The following PSMG4 variants were observed in gnomAD, a reference collection of about 807,000 sequenced individuals.
PSMG4 encodes the protein proteasome assembly chaperone 4.
A neutral mutation model predicts 11.0 loss-of-function variants in PSMG4; 10 were observed. The ratio of observed to expected loss-of-function variants is 0.91; its 90% CI spans 0.56 to 1.54. PSMG4 has a LOEUF of 1.54. Ranked by LOEUF, PSMG4 falls within the 40% of genes most tolerant of loss-of-function variation. PSMG4 has a pLI of 0.00. For synonymous variants in PSMG4, 95 were observed against 71.3 expected, an observed-to-expected ratio of 1.33 and a Z score of -1.68; for missense variants, 198 against 160.9, an observed-to-expected ratio of 1.23 and a Z score of -1.25.
Position 3,263,776 on chromosome 6 carries a change from G to A in PSMG4, c.250+17G>A, listed in dbSNP as rs1758082090. The stretch of plus-strand genomic sequence containing the variant: ...AGCGCCTAGGTATGTACCCACAGCT[G>A]GCGCTGCATGGCCAGCCAGGTGGGG... On this transcript the variant is annotated intron_variant, in intron 2 of 2. Transcript: ENST00000438998. 1.3e-6 allele frequency: 2 copies of A among 1,547,348 alleles called. No individual in the cohort carries two copies. The highest frequency in any genetic ancestry group is 1.7e-6 in the Non-Finnish European group (2 of 1,144,722).
chr6:3,259,256 T>G (rs916109075), intron 1 of PSMG4, 60 bp downstream of exon 1: 39 of 1,218,364 alleles, frequency 3.2e-5, no homozygotes, highest in Admixed American at 4.3e-5. Context: ...GCGCCGGGCC[T>G]GCGCGAGCTG....
upstream of PSMG4, among the ~76,000 whole-genome samples, chr6:3,255,633 T>A (rs555131181): frequency 6.6e-6 from 1 of 152,184 alleles, no homozygotes; most frequent in African/African-American, 2.4e-5. Flanking sequence ...TATTTGTAGC[T>A]TGCGCCCACA....
At chr6:3,265,959 C>T (rs771909587) in intron 2 of PSMG4, 16 of 150,016 alleles carry the variant, frequency 1.1e-4, no homozygotes, top group Non-Finnish European at 1.9e-4. Context: ...TTTACCGAGA[C>T]GTAAACACAT....
chr6:3,267,695 T>C lies in PSMG4; in HGVS notation c.355T>C (p.Phe119Leu). The C allele has an allele frequency of 6.4e-7, 1 of 1,552,258 alleles. No homozygotes were observed. Among genetic ancestry groups the C allele is most frequent in the Non-Finnish European group, 8.7e-7 (1 of 1,147,044 alleles). Residue 119 changes from phenylalanine to leucine, a missense_variant, in exon 3 of 3, where the codon TTC becomes CTC. Coordinates refer to ENST00000438998, the MANE Select transcript of PSMG4 (RefSeq NM_001128591.2). The stretch of plus-strand genomic sequence containing the variant: ...CAGGATCAAGGAAGAGATGGAGGCT[T>C]TCCCCGAAAAGTTCTAGCTGAGTGG... The part of the protein sequence containing the change: ...ENRIKEEMEA[F>L]PEKF
intron 2 of PSMG4, chr6:3,264,875 ACT>A (rs772775722): frequency 4.5e-5 from 7 of 155,950 alleles, no homozygotes; most frequent in Non-Finnish European, 9.9e-5. Context: ...TGTCTGTGTC[ACT>A]CTGTGTGTGT....
upstream of PSMG4, among the ~76,000 whole-genome samples, chr6:3,254,420 A>G (rs376717039): frequency 3.3e-5 from 5 of 150,994 alleles, no homozygotes; most frequent in African/African-American, 7.3e-5. Context: ...ACATCTGAGG[A>G]GGTATGGCTT....
At chr6:3,257,043 C>T (rs991235202), upstream of PSMG4, among the ~76,000 whole-genome samples, 2 of 152,202 alleles carry the variant, frequency 1.3e-5, no homozygotes, top group Non-Finnish European at 2.9e-5. Context: ...TTATCTTTCA[C>T]TGTCACAGAG....
chr6:3,259,173 G>T lies in PSMG4; in HGVS notation c.151G>T (p.Ala51Ser). ...GGCCACGCCGCACCTGCGCAACCTC[G>T]CCGTGGCCATGTGCAGCCGCTACGT... ...VGATPHLRNL[A>S]VAMCSRYDSI... is the part of the protein sequence containing the mutation. Residue 51 changes from alanine (A) to serine (S), a missense_variant, in exon 1 of 3, where the codon GCC (alanine) becomes TCC (serine). Transcript: ENST00000438998. 7.6e-7 allele frequency: 1 copy of T among 1,309,532 alleles called. No homozygotes were observed. The allele number at this position is 1,309,532 out of a possible 1,614,324, so 81.1% of individuals were successfully genotyped here.
At position 3,263,889 on chromosome 6, in the gene PSMG4, G is replaced by A. The variant is rs535994754; in HGVS notation, c.250+130G>A. ...ACCATCACCTCATTGCTGCTGGGAAGCACAGACCTTTGCACGTTGGGTCTT... is the reference window on the plus strand; with the variant it reads ...ACCATCACCTCATTGCTGCTGGGAAACACAGACCTTTGCACGTTGGGTCTT... On this transcript the variant is annotated intron_variant, in intron 2 of 2. Transcript: ENST00000438998. 6 of 1,461,746 alleles carry A rather than the reference G, an allele frequency of 4.1e-6. No homozygotes were observed. The East Asian group carries it at 1.3e-4, about 31-fold the overall frequency. The allele number at this position is 1,461,746 out of a possible 1,614,324, so 90.5% of individuals were successfully genotyped here.
At chr6:3,264,407 C>G in intron 2 of PSMG4, 2 of 1,494,592 alleles carry the variant, frequency 1.3e-6, no homozygotes, top group Non-Finnish European at 1.8e-6. Context: ...CTGCCCAGGC[C>G]TGGCGTTCTC....
intron 1 of PSMG4, among the ~76,000 whole-genome samples, chr6:3,263,334 C>T (rs1378177737): frequency 6.6e-6 from 1 of 152,244 alleles, no homozygotes; most frequent in Non-Finnish European, 1.5e-5. Context: ...TTTCTTCTTG[C>T]TGTAGCCTTA....
chr6:3,255,226 T>C, upstream of PSMG4: 2 of 1,549,690 alleles, frequency 1.3e-6, no homozygotes, highest in Non-Finnish European at 1.7e-6. Flanking sequence ...CAAAATCAAC[T>C]CTGGTAAGCC....
chr6:3,255,887 C>T (rs1757745729), upstream of PSMG4, among the ~76,000 whole-genome samples: 2 of 151,972 alleles, frequency 1.3e-5, no homozygotes, highest in African/African-American at 4.8e-5. Flanking sequence ...TTCCTCTTTC[C>T]TGATTGGGAT....
chr6:3,267,599 A>AC lies in PSMG4; in HGVS notation c.261dup (p.Asn88GlnfsTer9). 6.4e-7 allele frequency: 1 copy of AC among 1,551,634 alleles called. No individual in the cohort carries two copies. The highest frequency in any genetic ancestry group is 8.7e-7 in the Non-Finnish European group (1 of 1,146,892). On this transcript the variant is annotated frameshift_variant, in exon 3 of 3. Transcript: ENST00000438998. LOFTEE classifies it high-confidence loss of function. ...GTGTTTTCTCTTTTTAGCCAGGAAGACCAACAAACAGGTGTTTGTCAGCTA... is the reference window on the plus strand; with the variant it reads ...GTGTTTTCTCTTTTTAGCCAGGAAGACCCAACAAACAGGTGTTTGTCAGCTA...
At chr6:3,255,212 G>A (rs1288076099), upstream of PSMG4, 7 of 1,550,050 alleles carry the variant, frequency 4.5e-6, no homozygotes, top group East Asian at 4.9e-5. Flanking sequence ...GGTGGCAGCA[G>A]GAGCAAAATC....
rs570256256 is a variant in PSMG4, at chr6:3,267,442, G to A, written c.251-149G>A. The A allele has an allele frequency of 1.8e-5, 15 of 827,602 alleles. 1 individual carries two copies. In the South Asian group the frequency reaches 2.8e-4, roughly 15 times the overall value. 51.3% of individuals were successfully genotyped at this position (827,602 alleles called of 1,614,324 possible). Reference sequence around the variant, plus strand: ...TGACTCGTCTGCATTTGCAGCACCTGTCTGAAGAGAGGCATGGAGATTAGA... The same window carrying A: ...TGACTCGTCTGCATTTGCAGCACCTATCTGAAGAGAGGCATGGAGATTAGA... On this transcript the variant is annotated intron_variant, in intron 2 of 2. Transcript: ENST00000438998.
intron 2 of PSMG4, chr6:3,264,520 A>C: frequency 9.4e-7 from 1 of 1,059,140 alleles, no homozygotes; most frequent in Non-Finnish European, 1.3e-6. Context: ...ACTGAGGCAA[A>C]TGCACACGAA....
intron 2 of PSMG4, chr6:3,264,500 TGTCA>T (rs1758111950): frequency 7.9e-7 from 1 of 1,262,770 alleles, no homozygotes; most frequent in East Asian, 2.6e-5. Context: ...GGAACCTCTG[TGTCA>T]GTCACACTGA....
upstream of PSMG4, among the ~76,000 whole-genome samples, chr6:3,255,764 T>C (rs1313877758): frequency 2.6e-5 from 4 of 152,256 alleles, no homozygotes; most frequent in African/African-American, 9.6e-5. Context: ...CAATGTGATA[T>C]TCTGTGGAAT....
Sources: gnomAD v4.1 joint callset for allele counts (sites outside exome capture counted in the v4.1 genomes callset) on GRCh38, gnomAD v4.1.1 for gene constraint, MANE v1.5 for transcripts, NCBI Gene and HGNC (gene_info 2026-07-23, HGNC 2026-07-21) for gene names.